The following TAS1R2 variants were observed in gnomAD, a reference collection of about 807,000 sequenced individuals.
TAS1R2 encodes taste receptor type 1 member 2.
Under a neutral mutation model 49.3 loss-of-function variants are expected in TAS1R2, and 47 were observed. The ratio of observed to expected loss-of-function variants is 0.95; its 90% CI spans 0.75 to 1.22. TAS1R2 has a LOEUF of 1.22. Ranked by LOEUF, TAS1R2 falls within the 50% of genes most tolerant of loss-of-function variation. TAS1R2 has a pLI of 0.00. For missense variants in TAS1R2, 1,155 were observed against 1,122.1 expected (o/e 1.03, Z -0.42); for synonymous variants, 479 against 467.9 (o/e 1.02, Z -0.31).
Position 18,854,982 on chromosome 1 carries a change from G to C in TAS1R2, c.488C>G (p.Thr163Ser). The change falls in exon 3 of 6, where the codon ACC (threonine) becomes AGC (serine). Residue 163 changes from threonine (T) to serine (S), a missense_variant. Physicochemically the swap from Thr to Ser is moderately conservative, Grantham distance 58. Transcript: ENST00000375371. This position sits in a 1 kb window ranked among gnomAD's most constrained non-coding sequence, Gnocchi z 4.9. ...CAGCTCATCGCTGATGGCGCTGTAG[G>C]TGATCTGCAAGGGGAAGGGCTGTGG... 2.5e-6 allele frequency: 4 copies of C among 1,602,900 alleles called. No homozygotes were observed. The highest frequency in any genetic ancestry group is 3.4e-6 in the Non-Finnish European group (4 of 1,170,948).
In TAS1R2 at chr1:18,854,596, T is replaced by C; in HGVS notation, c.874A>G (p.Asn292Asp). Residue 292 changes from asparagine (N) to aspartate (D), a missense_variant, in exon 3 of 6, where the codon AAC (asparagine) becomes GAC (aspartate). Asn to Asp is a conservative substitution (Grantham distance 23). Transcript: ENST00000375371. The surrounding 1 kb of genome is among the most constrained non-coding windows in gnomAD (Gnocchi z 4.9). ...GCGATCCACACGGCGCCAGTGAAGT[T>C]CTGGCGCAGCACCTCATTGAAGAAG... 6.2e-7 allele frequency: 1 copy of C among 1,613,956 alleles called. No individual in the cohort carries two copies. Among genetic ancestry groups the C allele is most frequent in the South Asian group, 1.1e-5 (1 of 91,084 alleles).
chr1:18,856,762 T>C (rs1934142124), intron 2 of TAS1R2, among the ~76,000 whole-genome samples: 1 of 152,194 alleles, frequency 6.6e-6, no homozygotes, highest in South Asian at 2.1e-4. Context: ...CTTTAATGAA[T>C]ATATAGCCTG....
At chr1:18,840,430 C>T (rs948155839) in exon 6 of TAS1R2, 6 of 1,614,052 alleles carry the variant, frequency 3.7e-6, no homozygotes, top group Non-Finnish European at 5.1e-6. Context: ...TGGTGGGTGC[C>T]TCATGCCATT....
rs990206258 is a variant in TAS1R2 at position 18,854,204 on chromosome 1, C to A, written c.1257+9G>T. On this transcript the variant is annotated intron_variant, in intron 3 of 5. Transcript: ENST00000375371. This position sits in a 1 kb window ranked among gnomAD's most constrained non-coding sequence, Gnocchi z 4.9. The stretch of plus-strand genomic sequence containing the variant: ...TGCCCTGCAGACTCTATGGCAGCCA[C>A]CCCCTCACCTGCCAGGGGTAGACCA... 3 of 1,610,082 alleles carry A rather than the reference C, an allele frequency of 1.9e-6. No individual in the cohort carries two copies. Among genetic ancestry groups the A allele is most frequent in the Non-Finnish European group, 2.5e-6 (3 of 1,177,128 alleles).
In TAS1R2 at chr1:18,854,918, T is replaced by A. The variant is rs768299042; in HGVS notation, c.552A>T (p.Thr184=). The A allele has an allele frequency of 3.1e-6, 5 of 1,612,324 alleles. No homozygotes were observed. The East Asian group carries it at 1.1e-4, about 36-fold the overall frequency. ...CCTCGATGTGGTGGTCGGCGCTGGG[T>A]GTGGTACGCAGCAAAGCCGGGAAGC... The change falls in exon 3 of 6, where the codon ACA becomes ACT. Residue 184 remains threonine, a synonymous_variant. Coordinates refer to ENST00000375371, the Ensembl canonical transcript of TAS1R2. This position sits in a 1 kb window ranked among gnomAD's most constrained non-coding sequence, Gnocchi z 4.9.
At chr1:18,844,209 T>G (rs1933876560) in intron 4 of TAS1R2, among the ~76,000 whole-genome samples, 1 of 152,156 alleles carries the variant, frequency 6.6e-6, no homozygotes, top group African/African-American at 2.4e-5. Context: ...GACACTTGGT[T>G]GTTTGCTTTG....
chr1:18,854,687 C>G lies in TAS1R2; in HGVS notation c.783G>C (p.Val261=). The G allele has an allele frequency of 6.2e-7, 1 of 1,613,788 alleles. No individual in the cohort carries two copies. Among genetic ancestry groups the G allele is most frequent in the Non-Finnish European group, 8.5e-7 (1 of 1,179,944 alleles). The change falls in exon 3 of 6, where the codon GTG becomes GTC. Residue 261 remains valine, a synonymous_variant. Coordinates refer to ENST00000375371, the Ensembl canonical transcript of TAS1R2. This position sits in a 1 kb window ranked among gnomAD's most constrained non-coding sequence, Gnocchi z 4.9. ...GCGCTGTGCTCTGCTGCAGCTTGTC[C>G]ACAATGGTCACCAGGCGCTGGCGCT...
chr1:18,849,322 A>C lies in TAS1R2; in HGVS notation c.1467+19T>G, dbSNP rs1489963588. 3 of 1,612,222 alleles carry C rather than the reference A, an allele frequency of 1.9e-6. No individual in the cohort carries two copies. In the Admixed American group the frequency reaches 5.0e-5, roughly 27 times the overall value. On this transcript the variant is annotated intron_variant, in intron 4 of 5. Coordinates refer to ENST00000375371, the Ensembl canonical transcript of TAS1R2. Reference sequence around the variant, plus strand: ...GGCCCCGCCCCAGGCCTGCCCACCCACCAGGCCCCCTGGCTGACCGTGTTG... The same window carrying C: ...GGCCCCGCCCCAGGCCTGCCCACCCCCCAGGCCCCCTGGCTGACCGTGTTG...
chr1:18,857,623 A>G (rs772395561), exon 2 of TAS1R2: 1 of 1,611,690 alleles, frequency 6.2e-7, no homozygotes, highest in Non-Finnish European at 8.5e-7. Context: ...TATCACCTTC[A>G]CTTCATACCT....
chr1:18,844,124 C>A (rs1343110327), intron 4 of TAS1R2, among the ~76,000 whole-genome samples: 1 of 152,128 alleles, frequency 6.6e-6, no homozygotes, highest in Non-Finnish European at 1.5e-5. Context: ...TTCAGGGATA[C>A]AAAGCTTTTT....
intron 5 of TAS1R2, 132 bp downstream of exon 5, chr1:18,841,597 G>A (rs1448555985): frequency 3.8e-6 from 5 of 1,326,446 alleles, no homozygotes; most frequent in Non-Finnish European, 4.0e-6. Flanking sequence ...TCTGGTCCCT[G>A]GCCTTTGGAC....
Position 18,856,179 on chromosome 1 carries a change from T to C in TAS1R2, c.483+1152A>G, listed in dbSNP as rs918161134. On this transcript the variant is annotated intron_variant, in intron 2 of 5. Coordinates refer to ENST00000375371, the Ensembl canonical transcript of TAS1R2. ...CTCTCGCCTGTCTGATTTCATCTCC[T>C]TCTCCTCTCCCTCTGGTTCCAGTTC... 4.6e-5 allele frequency among the ~76,000 whole-genome samples: 7 copies of C among 152,162 alleles called. No individual in the cohort carries two copies. In the East Asian group the frequency reaches 5.8e-4, roughly 13 times the overall value.
chr1:18,840,674 A>C, intron 5 of TAS1R2, 147 bp from the exon 6 acceptor site: 11 of 761,774 alleles, frequency 1.4e-5, no homozygotes, highest in Middle Eastern at 3.0e-4. Context: ...CTCAAGTCTC[A>C]TGTGCATTGG....
At chr1:18,853,818 A>AGAT (rs1934075298) in intron 3 of TAS1R2, among the ~76,000 whole-genome samples, 1 of 152,216 alleles carries the variant, frequency 6.6e-6, no homozygotes, top group Admixed American at 6.5e-5. Context: ...CCAGAAGAAC[A>AGAT]GATTTAAAGT....
exon 6 of TAS1R2, chr1:18,839,875 C>T (rs200020097): frequency 1.2e-6 from 2 of 1,614,088 alleles, no homozygotes; most frequent in Non-Finnish European, 1.7e-6. Flanking sequence ...GCTCTTTGCC[C>T]ATGTAGGCGA....
chr1:18,852,155 C>T (rs1338389800), intron 3 of TAS1R2, among the ~76,000 whole-genome samples: 1 of 152,132 alleles, frequency 6.6e-6, no homozygotes, highest in Non-Finnish European at 1.5e-5. Flanking sequence ...GGGGAATAGC[C>T]AATAAACAAA....
rs534643761 is a variant in TAS1R2 at position 18,855,372 on chromosome 1, C to T, written c.484-386G>A. Among the ~76,000 whole-genome samples, 10 of 152,292 alleles carry T rather than the reference C, an allele frequency of 6.6e-5. No individual in the cohort carries two copies. In the South Asian group the frequency reaches 8.3e-4, roughly 13 times the overall value. On this transcript the variant is annotated intron_variant, in intron 2 of 5. Coordinates refer to ENST00000375371, the Ensembl canonical transcript of TAS1R2. ...ATCTAGAAACTCTTACTAAGCACAG[C>T]GCTTTCCTCCTCCCCCTCATCACCG...
intron 4 of TAS1R2, 130 bp from the exon 5 acceptor site, chr1:18,841,982 T>TTTAA: frequency 1.9e-6 from 1 of 521,034 alleles, no homozygotes; most frequent in East Asian, 5.2e-5. Context: ...GTGGAAACTG[T>TTTAA]AGAAAAAAAA....
At chr1:18,846,538 C>T (rs1006182156) in intron 4 of TAS1R2, among the ~76,000 whole-genome samples, 3 of 152,354 alleles carry the variant, frequency 2.0e-5, no homozygotes, top group Non-Finnish European at 4.4e-5. Flanking sequence ...AAAGCTAAGA[C>T]AGTATATGGG....
Sources: allele counts gnomAD v4.1 joint callset (sites outside exome capture counted in the v4.1 genomes callset), GRCh38; gene constraint gnomAD v4.1.1; non-coding constraint Gnocchi (gnomAD v3.1); transcripts MANE v1.5; gene names NCBI Gene and HGNC (gene_info 2026-07-23, HGNC 2026-07-21).